Variants in COMP observed in about 807,000 individuals in gnomAD.
The protein encoded by COMP is cartilage oligomeric matrix protein.
COMP carries 79 observed loss-of-function variants against 95.8 expected under a neutral mutation model. The observed-to-expected ratio is 0.82, with a 90% CI of 0.69 to 0.99. The LOEUF is 0.99. Among genes scored for constraint, COMP ranks in the 50% least tolerant of loss-of-function variants. The probability of loss-of-function intolerance (pLI) is 0.00; values close to 1 mark genes in which losing one functional copy is unlikely to be tolerated. For synonymous variants in COMP, 438 were observed against 433.9 expected, an observed-to-expected ratio of 1.01 and a Z score of -0.12; for missense variants, 906 against 1,076.1, an observed-to-expected ratio of 0.84 and a Z score of 2.21.
rs763098832 is a variant in COMP at position 18,783,189 on chromosome 19, G to C, written c.2092C>G (p.Arg698Gly). 6.2e-7 allele frequency: 1 copy of C among 1,607,470 alleles called. No homozygotes were observed. The highest frequency in any genetic ancestry group is 8.5e-7 in the Non-Finnish European group (1 of 1,179,974). The stretch of plus-strand genomic sequence containing the variant: ...ACCAGCTCAGGGCCCTCATAGAATC[G>C]CACCCTGAGGGTCAGACATGGTGAG... ...HRPQVGYIRV[R>G]FYEGPELVAD... The change falls in exon 18 of 19, where the codon CGA becomes GGA. Residue 698 changes from arginine (R) to glycine (G), a missense_variant. By Grantham distance (125) the Arg-to-Gly change is moderately radical. Transcript: ENST00000222271.
At chr19:18,787,845 C>CTTTT in intron 9 of COMP, among the ~76,000 whole-genome samples, 195 bp from the exon 10 acceptor site, 1 of 69,810 alleles carries the variant, frequency 1.4e-5, no homozygotes, top group African/African-American at 8.9e-5. Context: ...TCTGTCTTTT[C>CTTTT]TTTTTTCTTT....
rs1437918613 is a variant in COMP, at chr19:18,788,736, G to A, written c.618C>T (p.Cys206=). 3 of 1,556,324 alleles carry A rather than the reference G, an allele frequency of 1.9e-6. No homozygotes were observed. Among genetic ancestry groups the A allele is most frequent in the Non-Finnish European group, 2.6e-6 (3 of 1,150,918 alleles). ...VCINTRGSFQ[C]GPCQPGFVGD... is the part of the protein sequence containing the mutation. Reference sequence around the variant, plus strand: ...CCACGAAGCCGGGCTGGCACGGGCCGCACTGGAAGGAGCCCTGCGCCGGAG... The same window carrying A: ...CCACGAAGCCGGGCTGGCACGGGCCACACTGGAAGGAGCCCTGCGCCGGAG... The change falls in exon 7 of 19, where the codon TGC becomes TGT. Residue 206 remains cysteine, a synonymous_variant. Transcript: ENST00000222271. The surrounding 1 kb of genome is among the most constrained non-coding windows in gnomAD (Gnocchi z 4.7).
chr19:18,783,258 T>G, intron 17 of COMP, 65 bp from the exon 18 acceptor site: 1 of 1,580,596 alleles, frequency 6.3e-7, no homozygotes, highest in East Asian at 2.3e-5. Context: ...AGAGCTTCAG[T>G]GGCCAGCCCT....
chr19:18,789,438 G>A lies in COMP; in HGVS notation c.391-141C>T. 1.0e-6 allele frequency: 1 copy of A among 978,984 alleles called. No individual in the cohort carries two copies. The highest frequency in any genetic ancestry group is 1.4e-6 in the Non-Finnish European group (1 of 690,818). The allele number at this position is 978,984 out of a possible 1,614,324, so 60.6% of individuals were successfully genotyped here. On this transcript the variant is annotated intron_variant, in intron 4 of 18. Transcript: ENST00000222271. The surrounding 1 kb of genome is among the most constrained non-coding windows in gnomAD (Gnocchi z 6.1). ...CTGAGATGGAAGCAATTGTCGCAGGGGTCAGGCACGACTTTGCCTTGATGA... is the reference window on the plus strand; with the variant it reads ...CTGAGATGGAAGCAATTGTCGCAGGAGTCAGGCACGACTTTGCCTTGATGA...
At chr19:18,787,066 C>T (rs796351627) in intron 10 of COMP, 31 of 354,808 alleles carry the variant, frequency 8.7e-5, no homozygotes, top group Middle Eastern at 9.6e-4. Flanking sequence ...CCACCCCGTC[C>T]GGCCCACAGG....
intron 13 of COMP, 38 bp downstream of exon 13, chr19:18,785,927 T>C (rs774444113): frequency 1.3e-5 from 20 of 1,581,314 alleles, no homozygotes; most frequent in African/African-American, 4.1e-5. Flanking sequence ...GAGCCCCCAC[T>C]GGCCCCGCCC....
rs747780884 is a variant in COMP, at chr19:18,791,263, G to C, written c.7C>G (p.Pro3Ala). 10 of 1,594,896 alleles carry C rather than the reference G, an allele frequency of 6.3e-6. No homozygotes were observed. The highest frequency in any genetic ancestry group is 7.7e-6 in the Non-Finnish European group (9 of 1,172,736). The change falls in exon 1 of 19, where the codon CCC becomes GCC. Residue 3 changes from proline to alanine, a missense_variant. By Grantham distance (27) the Pro-to-Ala change is conservative (BLOSUM62 -1). Transcript: ENST00000222271. Reference protein sequence around the residue: MVPDTACVLLLTL... With the variant: MVADTACVLLLTL... ...AGCAGAAGAACGCAGGCGGTGTCGG[G>C]GACCATGGCGGTGGCGGGGAGCTGG...
chr19:18,784,266 G>A lies in COMP; in HGVS notation c.2012C>T (p.Pro671Leu), dbSNP rs1457362390. 3.7e-6 allele frequency: 6 copies of A among 1,614,056 alleles called. No homozygotes were observed. Among genetic ancestry groups the A allele is most frequent in the African/African-American group, 1.3e-5 (1 of 75,052 alleles). ...CTTGTCCTTCCAACCCACGTTTCGCGGGTCCTTCCACAGCAGCCGCACCTG... is the reference window on the plus strand; with the variant it reads ...CTTGTCCTTCCAACCCACGTTTCGCAGGTCCTTCCACAGCAGCCGCACCTG... The part of the protein sequence containing the change: ...ESQVRLLWKD[P>L]RNVGWKDKKS... Residue 671 changes from proline to leucine, a missense_variant, in exon 17 of 19, where the codon CCG becomes CTG. Pro to Leu is a moderately conservative substitution (Grantham distance 98, BLOSUM62 -3). Transcript: ENST00000222271. This position sits in a 1 kb window ranked among gnomAD's most constrained non-coding sequence, Gnocchi z 4.9.
chr19:18,789,194 C>G lies in COMP; in HGVS notation c.494G>C (p.Gly165Ala). The G allele has an allele frequency of 6.4e-7, 1 of 1,566,980 alleles. No homozygotes were observed. The highest frequency in any genetic ancestry group is 8.6e-7 in the Non-Finnish European group (1 of 1,162,876). The change falls in exon 5 of 19, where the codon GGC becomes GCC. Residue 165 changes from glycine to alanine, a missense_variant. By Grantham distance (60) the Gly-to-Ala change is moderately conservative. Transcript: ENST00000222271. The surrounding 1 kb of genome is among the most constrained non-coding windows in gnomAD (Gnocchi z 6.1). Reference sequence around the variant, plus strand: ...GGCCTTGGCGAAAGCCAGCCCCACGCCCTGGTGGGTGGGGCCGCTGTACCC... The same window carrying G: ...GGCCTTGGCGAAAGCCAGCCCCACGGCCTGGTGGGTGGGGCCGCTGTACCC... The part of the protein sequence containing the change: ...PPGYSGPTHQ[G>A]VGLAFAKANK...
At position 18,783,175 on chromosome 19, in the gene COMP, G is replaced by A; in HGVS notation, c.2106C>T (p.Gly702=). The A allele has an allele frequency of 6.2e-7, 1 of 1,608,768 alleles. No homozygotes were observed. Among genetic ancestry groups the A allele is most frequent in the Non-Finnish European group, 8.5e-7 (1 of 1,180,002 alleles). ...CGTTGCTGTCGGCCACCAGCTCAGG[G>A]CCCTCATAGAATCGCACCCTGAGGG... ...VGYIRVRFYE[G]PELVADSNVV... is the part of the protein sequence containing the mutation. The change falls in exon 18 of 19, where the codon GGC becomes GGT. Residue 702 remains glycine (G), a synonymous_variant. Coordinates refer to ENST00000222271, the MANE Select transcript of COMP (RefSeq NM_000095.3).
chr19:18,787,860 TTTTCTCTTTC>T (rs1342306977), intron 9 of COMP, among the ~76,000 whole-genome samples: 7 of 63,278 alleles, frequency 1.1e-4, no homozygotes, highest in Non-Finnish European at 1.6e-4. Context: ...TTCTTTTTCT[TTTTCTCTTTC>T]TTTCTTTCTT....
rs2055152182 is a variant in COMP, at chr19:18,784,652, T to C, written c.1914+244A>G. Among the ~76,000 whole-genome samples the C allele has an allele frequency of 2.0e-5, 3 of 152,050 alleles. No homozygotes were observed. In the South Asian group the frequency reaches 6.2e-4, roughly 32 times the overall value. On this transcript the variant is annotated intron_variant, in intron 16 of 18. Transcript: ENST00000222271. The surrounding 1 kb of genome is among the most constrained non-coding windows in gnomAD (Gnocchi z 4.9). Reference sequence around the variant, plus strand: ...AGGACTTGGAAACTAAGGAAAAGTTTAGGGCTGTGTGAGAGGGTTTAGGGT... The same window carrying C: ...AGGACTTGGAAACTAAGGAAAAGTTCAGGGCTGTGTGAGAGGGTTTAGGGT...
At chr19:18,791,122 C>G (rs1324830070) in intron 1 of COMP, 69 bp downstream of exon 1, 1 of 1,533,158 alleles carries the variant, frequency 6.5e-7, no homozygotes, top group African/African-American at 1.4e-5. Context: ...GCCTGGATCC[C>G]GGGCCTCTCA....
At chr19:18,790,277 C>A (rs1248742030) in intron 3 of COMP, among the ~76,000 whole-genome samples, 163 bp from the exon 4 acceptor site, 1 of 143,274 alleles carries the variant, frequency 7.0e-6, no homozygotes, top group Admixed American at 6.9e-5. Flanking sequence ...GCCCCAGAGG[C>A]TGCGCGCTCT....
intron 9 of COMP, among the ~76,000 whole-genome samples, chr19:18,787,907 TTTCTTTC>T (rs2055181218): frequency 1.4e-5 from 2 of 141,386 alleles, no homozygotes; most frequent in African/African-American, 2.6e-5. Context: ...TCTTTCTTTC[TTTCTTTC>T]TTTTTTTTGA....
intron 14 of COMP, 37 bp from the exon 15 acceptor site, chr19:18,785,583 C>A (rs202087711): frequency 6.2e-7 from 1 of 1,613,882 alleles, no homozygotes; most frequent in South Asian, 1.1e-5. Flanking sequence ...TCAGGCTGGC[C>A]GTGACAGCCC....
rs2145903974 is a variant in COMP, at chr19:18,789,057, C to T, written c.528+103G>A. The T allele has an allele frequency of 6.5e-7, 1 of 1,544,008 alleles. No individual in the cohort carries two copies. The highest frequency in any genetic ancestry group is 1.2e-5 in the South Asian group (1 of 85,068). ...CTGGCGCAGCGGACCCCTCCTCTCC[C>T]CACCCCTCCCGCTGGAAGGAGGCTG... On this transcript the variant is annotated intron_variant, in intron 5 of 18. Transcript: ENST00000222271. The surrounding 1 kb of genome is among the most constrained non-coding windows in gnomAD (Gnocchi z 6.1).
intron 15 of COMP, 136 bp from the exon 16 acceptor site, chr19:18,785,228 A>T (rs1271137281): frequency 1.0e-6 from 1 of 957,288 alleles, no homozygotes; most frequent in African/African-American, 1.6e-5. Flanking sequence ...CAGAGCCCGG[A>T]CTCAGCCACG....
chr19:18,785,037 G>C lies in COMP; in HGVS notation c.1773C>G (p.Val591=). 1 of 1,614,116 alleles carries C rather than the reference G, an allele frequency of 6.2e-7. No homozygotes were observed. Reference sequence around the variant, plus strand: ...TGAAGCCCGCATAGTCGTCATCCGTGACCGTGTTCACATGGAACGTGCCCT... The same window carrying C: ...TGAAGCCCGCATAGTCGTCATCCGTCACCGTGTTCACATGGAACGTGCCCT... ...DFEGTFHVNT[V]TDDDYAGFIF... The change falls in exon 16 of 19, where the codon GTC becomes GTG. Residue 591 remains valine, a synonymous_variant. Coordinates refer to ENST00000222271, the MANE Select transcript of COMP (RefSeq NM_000095.3).
Sources: allele counts gnomAD v4.1 joint callset (sites outside exome capture counted in the v4.1 genomes callset), GRCh38; gene constraint gnomAD v4.1.1; non-coding constraint Gnocchi (gnomAD v3.1); transcripts MANE v1.5; gene names NCBI Gene and HGNC (gene_info 2026-07-23, HGNC 2026-07-21).